Variants in CALN1 observed in about 807,000 individuals in gnomAD.
The protein encoded by CALN1 is calcium-binding protein 8.
CALN1 carries 17 observed loss-of-function variants against 30.6 expected under a neutral mutation model. That is an observed-to-expected ratio of 0.56 (90% CI 0.38 to 0.83). The LOEUF (loss-of-function observed/expected upper bound fraction) is 0.83. Ranked by LOEUF, CALN1 falls within the 40% of genes least tolerant of loss-of-function variation. CALN1 has a pLI of 0.00. For missense variants in CALN1, 291 were observed against 354.9 expected, an observed-to-expected ratio of 0.82 and a Z score of 1.45; for synonymous variants, 156 against 131.4, an observed-to-expected ratio of 1.19 and a Z score of -1.28.
intron 5 of CALN1, among the ~76,000 whole-genome samples, chr7:71,863,952 A>G (rs1222270365): frequency 6.6e-6 from 1 of 152,218 alleles, no homozygotes; most frequent in Non-Finnish European, 1.5e-5. Context: ...GCATGGCCCA[A>G]GCTGAGCTCT....
chr7:72,459,067 A>C, the CALN1 span, among the ~76,000 whole-genome samples: 1 of 145,050 alleles, frequency 6.9e-6, no homozygotes, highest in Middle Eastern at 3.5e-3. Context: ...ATGTGCCACC[A>C]CTCCTGGCTA....
intron 3 of CALN1, among the ~76,000 whole-genome samples, chr7:72,189,609 C>G (rs1790459126): frequency 6.6e-6 from 1 of 151,906 alleles, no homozygotes; most frequent in East Asian, 1.9e-4. Flanking sequence ...TCCGTCTCTA[C>G]TAAAGACATA....
chr7:71,949,044 T>TC (rs1796554194), intron 5 of CALN1, among the ~76,000 whole-genome samples: 2 of 66,928 alleles, frequency 3.0e-5, no homozygotes, highest in South Asian at 1.7e-3. Flanking sequence ...CTCTGTCTCT[T>TC]AAAAAAAAAA....
intron 5 of CALN1, among the ~76,000 whole-genome samples, chr7:71,857,330 A>ACTGTC (rs1439485728): frequency 6.6e-6 from 1 of 152,162 alleles, no homozygotes; most frequent in African/African-American, 2.4e-5. Context: ...CGCCTCTGGC[A>ACTGTC]CTGTCATATT....
chr7:72,287,072 T>A (rs753087434), intron 2 of CALN1, among the ~76,000 whole-genome samples: 2 of 152,172 alleles, frequency 1.3e-5, no homozygotes. Context: ...ATGAAGAGTA[T>A]TTCAAAGAAA....
At chr7:72,019,988 A>C (rs1272374181) in intron 5 of CALN1, among the ~76,000 whole-genome samples, 1 of 152,136 alleles carries the variant, frequency 6.6e-6, no homozygotes, top group African/African-American at 2.4e-5. Context: ...TCTTTCAAGG[A>C]TATCAGTACC....
At chr7:72,290,874 C>T (rs1371547809) in intron 2 of CALN1, among the ~76,000 whole-genome samples, 1 of 151,736 alleles carries the variant, frequency 6.6e-6, no homozygotes, top group Non-Finnish European at 1.5e-5. Flanking sequence ...TTATTTTTCA[C>T]TGAGTATCAA....
chr7:71,960,062 G>C (rs11982945), intron 5 of CALN1, among the ~76,000 whole-genome samples: 1 of 151,336 alleles, frequency 6.6e-6, no homozygotes, highest in Non-Finnish European at 1.5e-5. Flanking sequence ...GAACCCAGGA[G>C]GTGGTGGTTG....
intron 5 of CALN1, among the ~76,000 whole-genome samples, chr7:72,002,564 A>G (rs1210652501): frequency 6.6e-6 from 1 of 152,198 alleles, no homozygotes; most frequent in Non-Finnish European, 1.5e-5. Flanking sequence ...TCAATAAAAT[A>G]AGAAAAATAA....
chr7:72,413,321 T>A (rs1489530631), upstream of CALN1, among the ~76,000 whole-genome samples: 2 of 147,802 alleles, frequency 1.4e-5, no homozygotes, highest in African/African-American at 5.1e-5. Context: ...ATACACACAC[T>A]AACATACACT....
At chr7:72,313,404 T>G (rs754933565) in intron 2 of CALN1, among the ~76,000 whole-genome samples, 1 of 151,896 alleles carries the variant, frequency 6.6e-6, no homozygotes, top group Non-Finnish European at 1.5e-5. Flanking sequence ...AAAAAAAAAA[T>G]TCTTTGAGAC....
At chr7:72,192,283 T>A (rs1452203174) in intron 3 of CALN1, among the ~76,000 whole-genome samples, 1 of 152,192 alleles carries the variant, frequency 6.6e-6, no homozygotes, top group Non-Finnish European at 1.5e-5. Context: ...AGCATCTGTG[T>A]CCCTCTGCTT....
chr7:72,021,540 T>C (rs764514304), intron 5 of CALN1, among the ~76,000 whole-genome samples: 8 of 152,168 alleles, frequency 5.3e-5, no homozygotes, highest in Non-Finnish European at 4.4e-5. Context: ...AGCACTGCAA[T>C]ATTCTCCTTG....
chr7:72,196,922 T>C (rs1299236623), intron 3 of CALN1, among the ~76,000 whole-genome samples: 1 of 152,300 alleles, frequency 6.6e-6, no homozygotes, highest in Non-Finnish European at 1.5e-5. Flanking sequence ...TTGGCTTTGC[T>C]TATGAACTTG....
chr7:71,798,083 G>GAC (rs1257905988), intron 6 of CALN1, among the ~76,000 whole-genome samples: 1 of 124,424 alleles, frequency 8.0e-6, no homozygotes. Flanking sequence ...GAGAGACAGA[G>GAC]AGAGACAGAG....
At chr7:72,363,408 T>C (rs1803681116) in intron 2 of CALN1, among the ~76,000 whole-genome samples, 1 of 152,058 alleles carries the variant, frequency 6.6e-6, no homozygotes, top group Admixed American at 6.6e-5. Flanking sequence ...CCGGCTAATT[T>C]TTGTATTTTT....
chr7:72,291,919 GA>G (rs1798505710), intron 2 of CALN1, among the ~76,000 whole-genome samples: 1 of 151,432 alleles, frequency 6.6e-6, no homozygotes, highest in Admixed American at 6.6e-5. Flanking sequence ...ACCATATGTT[GA>G]AATTCTTATT....
At chr7:72,483,474 G>A in the CALN1 span, among the ~76,000 whole-genome samples, 2 of 151,682 alleles carry the variant, frequency 1.3e-5, no homozygotes, top group Non-Finnish European at 2.9e-5. Flanking sequence ...TAGTAGAGAC[G>A]GAGTTTCACC....
At chr7:72,212,831 TAAAG>T (rs1344166927) in intron 3 of CALN1, among the ~76,000 whole-genome samples, 1 of 152,050 alleles carries the variant, frequency 6.6e-6, no homozygotes, top group African/African-American at 2.4e-5. Context: ...AACATAAAAA[TAAAG>T]AAAAGGTATT....
Sources: gnomAD v4.1 joint callset for allele counts (sites outside exome capture counted in the v4.1 genomes callset) on GRCh38, gnomAD v4.1.1 for gene constraint, MANE v1.5 for transcripts, NCBI Gene and HGNC (gene_info 2026-07-23, HGNC 2026-07-21) for gene names.